The following COL24A1 variants were observed in gnomAD, a reference collection of about 807,000 sequenced individuals.
The protein encoded by COL24A1 is collagen alpha-1(XXIV) chain.
In COL24A1, 224 loss-of-function variants were observed where a neutral mutation model predicts 253.9. That is an observed-to-expected ratio of 0.88 (90% confidence interval 0.79 to 0.99). COL24A1 has a LOEUF of 0.99. Ranked by LOEUF, COL24A1 falls within the 50% of genes least tolerant of loss-of-function variation. The pLI is 0.00. For missense variants in COL24A1, 2,131 were observed against 2,068.5 expected (o/e 1.03, Z -0.59); for synonymous variants, 685 against 673.7 (o/e 1.02, Z -0.26).
intron 47 of COL24A1, among the ~76,000 whole-genome samples, chr1:85,788,192 G>A (rs925369001): frequency 3.9e-5 from 6 of 152,082 alleles, no homozygotes; most frequent in African/African-American, 1.4e-4. Context: ...CTGGGTTCAT[G>A]CCATTCTCCT....
chr1:86,156,295 A>C (rs1653603755), intron 1 of COL24A1, 46 bp downstream of exon 1: 1 of 1,552,298 alleles, frequency 6.4e-7, no homozygotes, highest in African/African-American at 1.4e-5. Context: ...GGGTGGAGAG[A>C]GGGGTTGGTC....
chr1:85,736,354 C>T, intron 58 of COL24A1: 1 of 456,306 alleles, frequency 2.2e-6, no homozygotes, highest in Non-Finnish European at 4.4e-6. Context: ...CGCTTCCCCA[C>T]TGCTCCTATT....
At chr1:85,759,514 C>G (rs1666624637) in intron 55 of COL24A1, among the ~76,000 whole-genome samples, 1 of 151,972 alleles carries the variant, frequency 6.6e-6, no homozygotes, top group Non-Finnish European at 1.5e-5. Flanking sequence ...TATTTTCCTA[C>G]AACGGACTCT....
chr1:85,741,601 A>AC (rs1417575428), intron 57 of COL24A1, among the ~76,000 whole-genome samples: 1 of 152,076 alleles, frequency 6.6e-6, no homozygotes, highest in Non-Finnish European at 1.5e-5. Context: ...TTTGACCCCT[A>AC]CCTCCTGAAG....
rs183987787 is a variant in COL24A1 at position 85,772,203 on chromosome 1, T to G, written c.4374+3471A>C. ...TTTTCTTAATCCAGTCTATCATTGT[T>G]GGACATTCATCATCACTGGCCATCA... On this transcript the variant is annotated intron_variant, in intron 53 of 59. Transcript: ENST00000370571. Among the ~76,000 whole-genome samples the G allele has an allele frequency of 6.4e-3, 971 of 152,074 alleles. 10 individuals are homozygous for G. The highest frequency in any genetic ancestry group is 0.022 in the African/African-American group (923 of 41,512).
In COL24A1 at chr1:85,730,511, G is replaced by C; in HGVS notation, c.*35C>G. On this transcript the variant is annotated 3_prime_UTR_variant, in exon 60 of 60. Coordinates refer to ENST00000370571, the MANE Select transcript of COL24A1 (RefSeq NM_152890.7). Reference sequence around the variant, plus strand: ...TTTCTCCCTCTGCAGCAATTACCTGGCCAACAGCCTGAATTCGGAACTAAT... The same window carrying C: ...TTTCTCCCTCTGCAGCAATTACCTGCCCAACAGCCTGAATTCGGAACTAAT... 1 of 1,607,326 alleles carries C rather than the reference G, an allele frequency of 6.2e-7. No individual in the cohort carries two copies. Among genetic ancestry groups the C allele is most frequent in the East Asian group, 2.2e-5 (1 of 44,750 alleles).
chr1:85,999,142 G>A (rs1695148348), intron 19 of COL24A1, among the ~76,000 whole-genome samples: 1 of 152,148 alleles, frequency 6.6e-6, no homozygotes, highest in Admixed American at 6.5e-5. Flanking sequence ...CATGGGAAAT[G>A]GCAATGAATA....
At chr1:85,805,212 C>T (rs551998900) in intron 47 of COL24A1, among the ~76,000 whole-genome samples, 7 of 151,970 alleles carry the variant, frequency 4.6e-5, no homozygotes, top group South Asian at 2.1e-4. Context: ...AGAATTTCTA[C>T]GATTGCTGCT....
rs115583523 is a variant in COL24A1 at position 85,955,887 on chromosome 1, T to C, written c.2562+5362A>G. Among the ~76,000 whole-genome samples the C allele has an allele frequency of 6.8e-3, 1,038 of 152,340 alleles. 10 individuals carry two copies. The highest frequency in any genetic ancestry group is 0.024 in the African/African-American group (1,008 of 41,586). Reference sequence around the variant, plus strand: ...AATACATTAAGTTATATTTTCATAATTCTCAGAGGCAAATAACATTTGACA... The same window carrying C: ...AATACATTAAGTTATATTTTCATAACTCTCAGAGGCAAATAACATTTGACA... On this transcript the variant is annotated intron_variant, in intron 24 of 59. Coordinates refer to ENST00000370571, the MANE Select transcript of COL24A1 (RefSeq NM_152890.7).
intron 5 of COL24A1, among the ~76,000 whole-genome samples, chr1:86,111,532 G>GATCAGCGCTCTGTAAAACAGACCA (rs1553137737): frequency 0.15 from 22,669 of 152,014 alleles, 1,811 homozygotes; most frequent in South Asian, 0.24. Context: ...AAAACAGAGC[G>GATCAGCGCTCTGTAAAACAGACCA]ATCAGCTCTC....
At chr1:86,019,514 C>T (rs944785036) in intron 18 of COL24A1, among the ~76,000 whole-genome samples, 17 of 151,768 alleles carry the variant, frequency 1.1e-4, no homozygotes, top group Admixed American at 8.5e-4. Flanking sequence ...GCTGTGATGG[C>T]ACCATTACAC....
At chr1:86,133,783 T>C (rs1349259495) in intron 2 of COL24A1, among the ~76,000 whole-genome samples, 1 of 146,952 alleles carries the variant, frequency 6.8e-6, no homozygotes, top group Non-Finnish European at 1.5e-5. Context: ...TGCATTGATG[T>C]TCATCAGGGA....
chr1:85,781,853 G>A (rs1669181187), intron 51 of COL24A1, among the ~76,000 whole-genome samples: 2 of 152,162 alleles, frequency 1.3e-5, no homozygotes, highest in Admixed American at 1.3e-4. Flanking sequence ...TGGTTATGAA[G>A]ATAACCTTGA....
intron 7 of COL24A1, among the ~76,000 whole-genome samples, chr1:86,080,674 GT>G (rs1289403213): frequency 1.3e-5 from 2 of 151,888 alleles, no homozygotes; most frequent in Admixed American, 6.6e-5. Context: ...TAATAAATAT[GT>G]TAACAAAAAT....
intron 4 of COL24A1, among the ~76,000 whole-genome samples, chr1:86,113,106 G>T (rs1557675939): frequency 6.6e-6 from 1 of 152,112 alleles, no homozygotes; most frequent in East Asian, 1.9e-4. Flanking sequence ...TTAGCAATTT[G>T]ATTTTGCATC....
chr1:85,782,762 G>A (rs1669269955), intron 51 of COL24A1, among the ~76,000 whole-genome samples: 1 of 152,058 alleles, frequency 6.6e-6, no homozygotes, highest in African/African-American at 2.4e-5. Context: ...ACTTGCCCCT[G>A]CAGCTGCTAT....
intron 47 of COL24A1, among the ~76,000 whole-genome samples, chr1:85,801,118 T>TG (rs1671382668): frequency 6.6e-6 from 1 of 152,232 alleles, no homozygotes; most frequent in South Asian, 2.1e-4. Context: ...TTCATTTTTT[T>TG]CTTACCTATT....
chr1:85,878,016 T>C (rs1430854866), intron 32 of COL24A1, among the ~76,000 whole-genome samples: 1 of 152,220 alleles, frequency 6.6e-6, no homozygotes, highest in African/African-American at 2.4e-5. Context: ...CTTAGCAGTA[T>C]GCATTTAAAG....
intron 2 of COL24A1, among the ~76,000 whole-genome samples, chr1:86,133,205 T>C (rs1649579304): frequency 6.6e-6 from 1 of 152,158 alleles, no homozygotes; most frequent in Non-Finnish European, 1.5e-5. Flanking sequence ...TGATTTTGTA[T>C]CCTGAGACTT....
Sources: gnomAD v4.1 joint callset for allele counts (sites outside exome capture counted in the v4.1 genomes callset) on GRCh38, gnomAD v4.1.1 for gene constraint, MANE v1.5 for transcripts, NCBI Gene and HGNC (gene_info 2026-07-23, HGNC 2026-07-21) for gene names.